DLG2: variants seen among roughly 807,000 people sequenced by gnomAD.
DLG2 encodes disks large homolog 2.
Under a neutral mutation model 132.5 loss-of-function variants are expected in DLG2, and 45 were observed. That is an observed-to-expected ratio of 0.34 (90% CI 0.27 to 0.44). The LOEUF (loss-of-function observed/expected upper bound fraction) is 0.44. DLG2 is among the 20% of genes least tolerant of loss of function. The pLI is 1.00. For synonymous variants in DLG2, 424 were observed against 419.6 expected (o/e 1.01, Z -0.13); for missense variants, 1,045 against 1,196.9 (o/e 0.87, Z 1.87).
chr11:84,844,829 T>C (rs943223126), intron 6 of DLG2, among the ~76,000 whole-genome samples: 4 of 152,290 alleles, frequency 2.6e-5, no homozygotes, highest in African/African-American at 7.2e-5. Flanking sequence ...GCATTGCATA[T>C]GTTTAAAAGA....
chr11:85,381,223 G>A (rs1201098939), intron 3 of DLG2, among the ~76,000 whole-genome samples: 4 of 152,068 alleles, frequency 2.6e-5, no homozygotes, highest in Non-Finnish European at 1.5e-5. Flanking sequence ...AGACTTTCTG[G>A]TTTTTCAAGT....
At chr11:83,694,881 C>T (rs2081609917) in intron 18 of DLG2, among the ~76,000 whole-genome samples, 1 of 152,226 alleles carries the variant, frequency 6.6e-6, no homozygotes, top group South Asian at 2.1e-4. Flanking sequence ...ACCACACTGA[C>T]TTCTTTCAGT....
intron 7 of DLG2, among the ~76,000 whole-genome samples, chr11:84,511,377 GA>G (rs1256644086): frequency 2.6e-5 from 4 of 152,080 alleles, no homozygotes; most frequent in Non-Finnish European, 4.4e-5. Flanking sequence ...TAATTCAGTT[GA>G]AATGGCAACT....
chr11:83,585,934 T>G lies in DLG2; in HGVS notation c.1941-44076A>C, dbSNP rs555221124. Among the ~76,000 whole-genome samples the G allele has an allele frequency of 3.3e-5, 5 of 151,886 alleles. No individual in the cohort carries two copies. In the South Asian group the frequency reaches 1.0e-3, roughly 32 times the overall value. ...ATGCCTGAAGAAAAAAGAGAAGAGA[T>G]AGAAGAAATGAGAAAATGTCAAGAG... On this transcript the variant is annotated intron_variant, in intron 19 of 27. Coordinates refer to ENST00000376104, the MANE Select transcript of DLG2 (RefSeq NM_001142699.3).
Position 83,846,481 on chromosome 11 carries a change from T to A in DLG2, c.1566-12711A>T, listed in dbSNP as rs137939035. Among the ~76,000 whole-genome samples the A allele has an allele frequency of 9.8e-4, 149 of 152,342 alleles. 2 individuals carry two copies. The East Asian group carries it at 0.013, about 14-fold the overall frequency. On this transcript the variant is annotated intron_variant, in intron 16 of 27. Coordinates refer to ENST00000376104, the MANE Select transcript of DLG2 (RefSeq NM_001142699.3). Reference sequence around the variant, plus strand: ...GTTTCTACAGCCCCCCAAGTTTGCCTGCAATGAGGTTAATTAATAATTCTA... The same window carrying A: ...GTTTCTACAGCCCCCCAAGTTTGCCAGCAATGAGGTTAATTAATAATTCTA...
chr11:84,667,730 C>T (rs111525508), intron 6 of DLG2, among the ~76,000 whole-genome samples: 11,204 of 151,784 alleles, frequency 0.074, 551 homozygotes, highest in South Asian at 0.2. Flanking sequence ...AACTCCTGAC[C>T]TCGAGTGATC....
chr11:85,035,480 G>T (rs1006936844), intron 6 of DLG2, among the ~76,000 whole-genome samples: 1 of 152,090 alleles, frequency 6.6e-6, no homozygotes, highest in Admixed American at 6.6e-5. Flanking sequence ...GGCGGCAGGC[G>T]AGAGGTGAGA....
intron 3 of DLG2, among the ~76,000 whole-genome samples, chr11:85,293,212 T>TA (rs1209059039): frequency 6.6e-6 from 1 of 152,010 alleles, no homozygotes; most frequent in Non-Finnish European, 1.5e-5. Flanking sequence ...CAACTAGTGG[T>TA]AAAAAATAGG....
At chr11:84,014,440 G>A (rs1162340791) in intron 11 of DLG2, among the ~76,000 whole-genome samples, 1 of 152,056 alleles carries the variant, frequency 6.6e-6, no homozygotes, top group East Asian at 1.9e-4. Flanking sequence ...ATAAAAATAG[G>A]CAATTTAATA....
At chr11:84,766,265 T>C (rs1244369806) in intron 6 of DLG2, among the ~76,000 whole-genome samples, 1 of 152,012 alleles carries the variant, frequency 6.6e-6, no homozygotes, top group African/African-American at 2.4e-5. Flanking sequence ...AATTTTCTCT[T>C]CCCTTTCCAT....
At chr11:85,010,389 A>G (rs2059051726) in intron 6 of DLG2, among the ~76,000 whole-genome samples, 1 of 152,080 alleles carries the variant, frequency 6.6e-6, no homozygotes, top group Non-Finnish European at 1.5e-5. Flanking sequence ...CCTAAAGACC[A>G]TAAATAGCAC....
chr11:84,643,525 C>T (rs7946469), intron 6 of DLG2, among the ~76,000 whole-genome samples: 26,154 of 152,078 alleles, frequency 0.17, 3,057 homozygotes, highest in African/African-American at 0.33. Context: ...TAAAATCATC[C>T]TGTACACTGT....
chr11:85,315,808 G>T (rs917886216), intron 3 of DLG2, among the ~76,000 whole-genome samples: 1 of 151,974 alleles, frequency 6.6e-6, no homozygotes, highest in Non-Finnish European at 1.5e-5. Flanking sequence ...CTCCCAGGAG[G>T]CTGTGTAGGA....
intron 7 of DLG2, among the ~76,000 whole-genome samples, chr11:84,492,597 T>C (rs1379277107): frequency 6.6e-6 from 1 of 152,182 alleles, no homozygotes; most frequent in Non-Finnish European, 1.5e-5. Flanking sequence ...AATAATCACA[T>C]ATAACTCACA....
chr11:83,641,246 A>G (rs537118572), intron 18 of DLG2, among the ~76,000 whole-genome samples: 2 of 152,284 alleles, frequency 1.3e-5, no homozygotes, highest in Middle Eastern at 3.4e-3. Context: ...AATGTTTAAA[A>G]CTAGAAAATC....
At chr11:84,279,841 G>A (rs2097833791) in intron 7 of DLG2, among the ~76,000 whole-genome samples, 1 of 152,152 alleles carries the variant, frequency 6.6e-6, no homozygotes, top group East Asian at 1.9e-4. Flanking sequence ...GATAGAATTA[G>A]GAGCATTTAT....
In DLG2 at chr11:84,579,715, T is replaced by C. The variant is rs543790416; in HGVS notation, c.358-44984A>G. Among the ~76,000 whole-genome samples, 5 of 152,298 alleles carry C rather than the reference T, an allele frequency of 3.3e-5. No homozygotes were observed. The East Asian group carries it at 9.6e-4, about 29-fold the overall frequency. On this transcript the variant is annotated intron_variant, in intron 6 of 27. Transcript: ENST00000376104. ...GAGTTTAGAGTACATCATAAAGTAT[T>C]GGACAGCCATAAACTAGGGAAGTAT...
chr11:83,667,564 C>A (rs2075860574), intron 18 of DLG2, among the ~76,000 whole-genome samples: 1 of 152,160 alleles, frequency 6.6e-6, no homozygotes, highest in South Asian at 2.1e-4. Context: ...AAAAATGCAG[C>A]CAGCTTGTTC....
intron 7 of DLG2, among the ~76,000 whole-genome samples, chr11:84,367,978 C>A (rs1416676403): frequency 6.6e-6 from 1 of 152,076 alleles, no homozygotes; most frequent in African/African-American, 2.4e-5. Context: ...TTTATACTTA[C>A]CCTGTACCTA....
Sources: allele counts gnomAD v4.1 joint callset (sites outside exome capture counted in the v4.1 genomes callset), GRCh38; gene constraint gnomAD v4.1.1; transcripts MANE v1.5; gene names NCBI Gene and HGNC (gene_info 2026-07-23, HGNC 2026-07-21).